The following TRIP11 variants were observed in gnomAD, a reference collection of about 807,000 sequenced individuals.
TRIP11 encodes the protein thyroid hormone receptor interactor 11.
In TRIP11, 148 loss-of-function variants were observed where a neutral mutation model predicts 223.1. That is an observed-to-expected ratio of 0.66 (90% confidence interval 0.58 to 0.76). TRIP11 has a LOEUF of 0.76. Ranked by LOEUF, TRIP11 falls within the 30% of genes least tolerant of loss-of-function variation. The pLI is 0.00. For synonymous variants in TRIP11, 762 were observed against 772.6 expected, an observed-to-expected ratio of 0.99 and a Z score of 0.23; for missense variants, 2,043 against 2,222.0, an observed-to-expected ratio of 0.92 and a Z score of 1.62.
Position 92,002,565 on chromosome 14 carries a change from CT to C in TRIP11, c.4557+853del, listed in dbSNP as rs574839858. Among the ~76,000 whole-genome samples, 698 of 143,706 alleles carry C rather than the reference CT, an allele frequency of 4.9e-3. 5 individuals are homozygous for C. Among genetic ancestry groups the C allele is most frequent in the East Asian group, 0.017 (82 of 4,948 alleles). 94.3% of individuals were successfully genotyped at this position (143,706 alleles called of 152,430 possible). ...AGTCACTCTACCTGAATAACACATTCTTTTTTTTTTTTTCTTTTTCTTTTTT... is the reference window on the plus strand; with the variant it reads ...AGTCACTCTACCTGAATAACACATTCTTTTTTTTTTTTCTTTTTCTTTTTT... On this transcript the variant is annotated intron_variant, in intron 11 of 20. Coordinates refer to ENST00000267622, the MANE Select transcript of TRIP11 (RefSeq NM_004239.4).
intron 7 of TRIP11, 50 bp downstream of exon 7, chr14:92,014,165 C>T (rs2057007404): frequency 6.2e-7 from 1 of 1,611,570 alleles, no homozygotes; most frequent in South Asian, 1.1e-5. Context: ...CTAAAAACAA[C>T]TACTATGCAA....
chr14:91,974,542 A>T lies in TRIP11; in HGVS notation c.5574+85T>A, dbSNP rs76321048. 112,896 of 1,094,420 alleles carry T rather than the reference A, an allele frequency of 0.1. 6,284 individuals are homozygous for T. Among genetic ancestry groups the T allele is most frequent in the Non-Finnish European group, 0.12 (84,574 of 727,516 alleles). The allele number at this position is 1,094,420 out of a possible 1,614,324, so 67.8% of individuals were successfully genotyped here. A position where few individuals can be genotyped will look rare whatever the true frequency, so the allele number is the denominator to read the frequency against. On this transcript the variant is annotated intron_variant, in intron 19 of 20. Coordinates refer to ENST00000267622, the MANE Select transcript of TRIP11 (RefSeq NM_004239.4). The stretch of plus-strand genomic sequence containing the variant: ...TAAAAGGGTTGTATAAAATAATTTT[A>T]AAAAAAAATCTGATTCTTTGCAAAT...
At chr14:92,017,247 A>G (rs912272167) in intron 5 of TRIP11, among the ~76,000 whole-genome samples, 1 of 152,158 alleles carries the variant, frequency 6.6e-6, no homozygotes, top group African/African-American at 2.4e-5. Flanking sequence ...TTAAAAAAAA[A>G]TATTTTTAAA....
rs2056345411 is a variant in TRIP11, at chr14:91,966,772, T to C, written c.*2901A>G. 1 of 213,700 alleles carries C rather than the reference T, an allele frequency of 4.7e-6. No homozygotes were observed. The highest frequency in any genetic ancestry group is 9.4e-6 in the Non-Finnish European group (1 of 105,830). The allele number at this position is 213,700 out of a possible 1,614,324, so 13.2% of individuals were successfully genotyped here. A position where few individuals can be genotyped will look rare whatever the true frequency, so the allele number is the denominator to read the frequency against. ...TTATGCTAAAATTAAATTCAGTAGT[T>C]AGATGAATTTTCTACTACAGTATAG... On this transcript the variant is annotated 3_prime_UTR_variant, in exon 21 of 21. Coordinates refer to ENST00000267622, the MANE Select transcript of TRIP11 (RefSeq NM_004239.4).
chr14:92,024,279 C>T (rs914256240), intron 3 of TRIP11, among the ~76,000 whole-genome samples: 4 of 150,278 alleles, frequency 2.7e-5, no homozygotes, highest in Admixed American at 1.3e-4. Flanking sequence ...TCAGGCGGCA[C>T]GAGAATTGCT....
intron 3 of TRIP11, 122 bp downstream of exon 3, chr14:92,025,188 A>T: frequency 2.6e-6 from 2 of 758,962 alleles, no homozygotes; most frequent in Non-Finnish European, 4.3e-6. Flanking sequence ...GAAAATCATT[A>T]AATTCATCAC....
At chr14:92,022,989 A>C (rs74071816) in intron 3 of TRIP11, among the ~76,000 whole-genome samples, 5,576 of 152,294 alleles carry the variant, frequency 0.037, 291 homozygotes, top group African/African-American at 0.12. Flanking sequence ...ATAATCATAT[A>C]TTTCATCCTC....
chr14:92,027,367 T>C (rs544282891), intron 2 of TRIP11, among the ~76,000 whole-genome samples: 2 of 152,106 alleles, frequency 1.3e-5, no homozygotes, highest in African/African-American at 2.4e-5. Context: ...TTCCAATAAC[T>C]TTTTTGTGTA....
chr14:92,032,828 G>A (rs1262090363), intron 2 of TRIP11, among the ~76,000 whole-genome samples: 2 of 131,388 alleles, frequency 1.5e-5, no homozygotes, highest in Admixed American at 8.0e-5. Context: ...GTGAGACCCC[G>A]TTTCAAAAAA....
chr14:92,039,185 G>A (rs967527075), intron 1 of TRIP11, among the ~76,000 whole-genome samples: 11 of 152,164 alleles, frequency 7.2e-5, no homozygotes, highest in African/African-American at 2.4e-4. Flanking sequence ...TCTTTAAACT[G>A]GGTCAGAATA....
In TRIP11 at chr14:91,968,602, G is replaced by A. The variant is rs2056363283; in HGVS notation, c.*1071C>T. 4.5e-6 allele frequency: 1 copy of A among 220,514 alleles called. No homozygotes were observed. The highest frequency in any genetic ancestry group is 1.8e-4 in the South Asian group (1 of 5,414). 13.7% of individuals were successfully genotyped at this position (220,514 alleles called of 1,614,324 possible). ...GTTGCATGAATTTGTGTAACATTTA[G>A]TTTTAAGATGGTATCTTTAAATAGA... On this transcript the variant is annotated 3_prime_UTR_variant, in exon 21 of 21. Transcript: ENST00000267622.
rs2140076399 is a variant in TRIP11 at position 91,969,103 on chromosome 14, A to C, written c.*570T>G. The C allele has an allele frequency of 4.4e-6, 1 of 227,588 alleles. No individual in the cohort carries two copies. The highest frequency in any genetic ancestry group is 1.3e-3 in the Middle Eastern group (1 of 748). 14.1% of individuals were successfully genotyped at this position (227,588 alleles called of 1,614,324 possible). A position where few individuals can be genotyped will look rare whatever the true frequency, so the allele number is the denominator to read the frequency against. On this transcript the variant is annotated 3_prime_UTR_variant, in exon 21 of 21. Transcript: ENST00000267622. ...TCTATTTAAAACAAACAAAAAAAGAATCTACACACATGATAATATTGCACA... is the reference window on the plus strand; with the variant it reads ...TCTATTTAAAACAAACAAAAAAAGACTCTACACACATGATAATATTGCACA...
chr14:92,036,094 T>C (rs995070367), intron 1 of TRIP11, among the ~76,000 whole-genome samples: 5 of 152,194 alleles, frequency 3.3e-5, no homozygotes, highest in Admixed American at 6.5e-5. Flanking sequence ...TACATCTTGC[T>C]TGAAACTATG....
chr14:92,036,422 T>G (rs139906540), intron 1 of TRIP11, among the ~76,000 whole-genome samples: 37 of 152,330 alleles, frequency 2.4e-4, no homozygotes, highest in African/African-American at 6.7e-4. Flanking sequence ...ATAGGTATGA[T>G]TATCCCTATT....
At chr14:91,997,941 C>T (rs570505647) in intron 13 of TRIP11, among the ~76,000 whole-genome samples, 2 of 152,192 alleles carry the variant, frequency 1.3e-5, no homozygotes, top group South Asian at 4.1e-4. Flanking sequence ...AGTGAGAATA[C>T]AGAATGTTAC....
intron 7 of TRIP11, among the ~76,000 whole-genome samples, chr14:92,013,680 A>G (rs2057001363): frequency 6.6e-6 from 1 of 152,270 alleles, no homozygotes; most frequent in South Asian, 2.1e-4. Context: ...AAGTAAATGT[A>G]TTAGTCTTAT....
At chr14:92,038,363 G>T (rs2057346341) in intron 1 of TRIP11, among the ~76,000 whole-genome samples, 1 of 152,080 alleles carries the variant, frequency 6.6e-6, no homozygotes, top group African/African-American at 2.4e-5. Flanking sequence ...CAGCCCTTCT[G>T]TGCTTCTGAC....
rs886050913 is a variant in TRIP11, at chr14:92,039,957, C to G, written c.-272G>C. 3.6e-6 allele frequency: 2 copies of G among 562,434 alleles called. No individual in the cohort carries two copies. The highest frequency in any genetic ancestry group is 6.3e-6 in the Non-Finnish European group (2 of 319,902). 34.8% of individuals were successfully genotyped at this position (562,434 alleles called of 1,614,324 possible). ...ACGAATTCCCACCGTCCAGATTGGGCCACTTCTTTCTCAGCTCTAATGACT... is the reference window on the plus strand; with the variant it reads ...ACGAATTCCCACCGTCCAGATTGGGGCACTTCTTTCTCAGCTCTAATGACT... On this transcript the variant is annotated 5_prime_UTR_variant, in exon 1 of 21. Transcript: ENST00000267622.
rs147525794 is a variant in TRIP11 at position 91,971,284 on chromosome 14, C to T, written c.5720-1391G>A. The stretch of plus-strand genomic sequence containing the variant: ...TTTGTCAAATCTGCTTATCATTGAG[C>T]ACTCTTAGGGTTCCCAAGCCGTACT... On this transcript the variant is annotated intron_variant, in intron 20 of 20. Coordinates refer to ENST00000267622, the MANE Select transcript of TRIP11 (RefSeq NM_004239.4). Among the ~76,000 whole-genome samples the T allele has an allele frequency of 2.0e-4, 31 of 152,278 alleles. No homozygotes were observed. In the East Asian group the frequency reaches 5.8e-3, roughly 28 times the overall value.
Sources: gnomAD v4.1 joint callset for allele counts (sites outside exome capture counted in the v4.1 genomes callset) on GRCh38, gnomAD v4.1.1 for gene constraint, MANE v1.5 for transcripts, NCBI Gene and HGNC (gene_info 2026-07-23, HGNC 2026-07-21) for gene names.